Variants in CROCC2 observed in about 807,000 individuals in gnomAD.
CROCC2 encodes the protein ciliary rootlet coiled-coil, rootletin family member 2, also known as ciliary rootlet coiled-coil protein 2.
A neutral mutation model predicts 177.6 loss-of-function variants in CROCC2; 163 were observed. The observed-to-expected ratio is 0.92, with a 90% CI of 0.81 to 1.05. CROCC2 has a LOEUF of 1.05. Among genes scored for constraint, CROCC2 ranks in the 50% least tolerant of loss-of-function variants. The pLI is 0.00. For synonymous variants in CROCC2, 904 were observed against 787.3 expected, an observed-to-expected ratio of 1.15 and a Z score of -2.48; for missense variants, 1,929 against 1,797.8, an observed-to-expected ratio of 1.07 and a Z score of -1.32.
rs992255011 is a variant in CROCC2 at position 240,949,078 on chromosome 2, C to T, written c.2463C>T (p.Leu821=). ...QLEEEARSAG[L]ARQALQVEME... is the part of the protein sequence containing the mutation. ...AGGAGGAAGCCCGGAGCGCAGGACT[C>T]GCGCGGCAGGCCTTGCAAGGTGCTC... The change falls in exon 16 of 32, where the codon CTC becomes CTT. Residue 821 remains leucine (L), a synonymous_variant. Coordinates refer to ENST00000690015, the MANE Select transcript of CROCC2 (RefSeq NM_001351305.2). The surrounding 1 kb of genome is among the most constrained non-coding windows in gnomAD (Gnocchi z 4.5). 19 of 1,545,804 alleles carry T rather than the reference C, an allele frequency of 1.2e-5. No homozygotes were observed. The Admixed American group carries it at 2.4e-4, about 19-fold the overall frequency.
intron 3 of CROCC2, among the ~76,000 whole-genome samples, chr2:240,921,261 C>T (rs2059355596): frequency 6.6e-6 from 1 of 152,200 alleles, no homozygotes; most frequent in African/African-American, 2.4e-5. Context: ...CTGCTCCCCA[C>T]CCAGTTCTAT....
chr2:240,970,685 C>T (rs2059714210), intron 27 of CROCC2, among the ~76,000 whole-genome samples: 2 of 152,192 alleles, frequency 1.3e-5, no homozygotes, highest in South Asian at 4.1e-4. Context: ...ACAATCCCCT[C>T]TTCCAAACCT....
chr2:240,926,334 C>T (rs1203562072), intron 5 of CROCC2, among the ~76,000 whole-genome samples: 5 of 152,210 alleles, frequency 3.3e-5, no homozygotes, highest in African/African-American at 1.2e-4. Flanking sequence ...CTGAGGCATG[C>T]AGGGGGTCAG....
rs563979897 is a variant in CROCC2 at position 240,934,309 on chromosome 2, G to A, written c.1647-22G>A. On this transcript the variant is annotated intron_variant, in intron 11 of 31. Transcript: ENST00000690015. ...CACTGCTCACCCTGAGCGACCTCCC[G>A]CCCTCTGGTCTGGGGCCTCAGTCAA... 4.6e-5 allele frequency: 71 copies of A among 1,547,066 alleles called. No homozygotes were observed. The East Asian group carries it at 8.3e-4, about 18-fold the overall frequency.
At chr2:240,907,329 A>G (rs978878284) in intron 1 of CROCC2, among the ~76,000 whole-genome samples, 1 of 152,000 alleles carries the variant, frequency 6.6e-6, no homozygotes, top group African/African-American at 2.4e-5. Flanking sequence ...GAGCCCACCT[A>G]GGACCCAGCC....
chr2:240,992,446 C>T (rs2059885626), intron 31 of CROCC2, among the ~76,000 whole-genome samples: 1 of 152,256 alleles, frequency 6.6e-6, no homozygotes, highest in Non-Finnish European at 1.5e-5. Flanking sequence ...CCTGGCACAC[C>T]TGGTTTTCTG....
At chr2:240,963,919 C>T (rs1422059928) in intron 21 of CROCC2, 146 bp downstream of exon 21, 2 of 815,338 alleles carry the variant, frequency 2.5e-6, no homozygotes, top group South Asian at 1.7e-5. Context: ...CCAAGCAGGC[C>T]TCCCGCTGCC....
chr2:240,973,413 G>A lies in CROCC2; in HGVS notation c.4401+5151G>A, dbSNP rs570762933. On this transcript the variant is annotated intron_variant, in intron 27 of 31. Transcript: ENST00000690015. This position sits in a 1 kb window ranked among gnomAD's most constrained non-coding sequence, Gnocchi z 4.7. The stretch of plus-strand genomic sequence containing the variant: ...CACTCAGCATCACCCACAGCCTCAT[G>A]CCCGCTCAGAAAGGCCCCCCATGCC... Among the ~76,000 whole-genome samples the A allele has an allele frequency of 6.6e-6, 1 of 151,050 alleles. No individual in the cohort carries two copies. Among genetic ancestry groups the A allele is most frequent in the Admixed American group, 6.6e-5 (1 of 15,168 alleles).
intron 25 of CROCC2, among the ~76,000 whole-genome samples, chr2:240,967,139 A>G (rs2059689176): frequency 6.6e-6 from 1 of 151,940 alleles, no homozygotes; most frequent in East Asian, 1.9e-4. Context: ...CCACCTCCCC[A>G]GGCCTGCAGG....
chr2:240,948,846 A>G (rs2106469201), intron 15 of CROCC2, 133 bp from the exon 16 acceptor site: 2 of 838,594 alleles, frequency 2.4e-6, no homozygotes, highest in African/African-American at 1.7e-5. Context: ...GAGATGCACC[A>G]TAATTTCTAA....
At chr2:240,963,402 G>A (rs570067824) in intron 20 of CROCC2, 154 bp from the exon 21 acceptor site, 1 of 756,568 alleles carries the variant, frequency 1.3e-6, no homozygotes, top group Non-Finnish European at 2.1e-6. Context: ...CAGCACTAGG[G>A]ATTGGTGGCT....
At chr2:240,931,644 T>C (rs1194835744) in intron 7 of CROCC2, among the ~76,000 whole-genome samples, 1 of 152,100 alleles carries the variant, frequency 6.6e-6, no homozygotes, top group Non-Finnish European at 1.5e-5. Context: ...CAGCAGAAAG[T>C]AGGGAGGCGG....
In CROCC2 at chr2:240,949,095, A is replaced by G. The variant is rs1370367783; in HGVS notation, c.2480A>G (p.Gln827Arg). The change falls in exon 16 of 32, where the codon CAA becomes CGA. Residue 827 changes from glutamine to arginine, a missense_variant and splice_region_variant. Around this residue, in one of 3 missense-constraint regions of CROCC2, gnomAD observed 1,397 missense variants for 1,239.9 expected, o/e 1.13. Transcript: ENST00000690015. The surrounding 1 kb of genome is among the most constrained non-coding windows in gnomAD (Gnocchi z 4.5). ...GCAGGACTCGCGCGGCAGGCCTTGC[A>G]AGGTGCTCCAAGGGCGCTCCCTCAG... Reference protein sequence around the residue: ...RSAGLARQALQVEMEQLQSDW... With the variant: ...RSAGLARQALRVEMEQLQSDW... The G allele has an allele frequency of 2.0e-6, 3 of 1,535,958 alleles. No homozygotes were observed. The highest frequency in any genetic ancestry group is 2.6e-6 in the Non-Finnish European group (3 of 1,141,602).
intron 10 of CROCC2, 151 bp from the exon 11 acceptor site, chr2:240,933,519 C>A: frequency 9.0e-7 from 1 of 1,112,980 alleles, no homozygotes; most frequent in Non-Finnish European, 1.3e-6. Context: ...GTGGGACACA[C>A]CCGCCAGTGA....
In CROCC2 at chr2:240,973,277, T is replaced by C. The variant is rs962930680; in HGVS notation, c.4401+5015T>C. On this transcript the variant is annotated intron_variant, in intron 27 of 31. Transcript: ENST00000690015. The surrounding 1 kb of genome is among the most constrained non-coding windows in gnomAD (Gnocchi z 4.7). ...CCGTTTCCAAGGCTACCCTGGGAAT[T>C]CAATAGAACAGCCGTGCAGGACCAG... Among the ~76,000 whole-genome samples the C allele has an allele frequency of 2.6e-5, 4 of 152,160 alleles. No homozygotes were observed. Among genetic ancestry groups the C allele is most frequent in the Non-Finnish European group, 4.4e-5 (3 of 68,024 alleles).
chr2:240,988,611 T>C, intron 28 of CROCC2, 128 bp from the exon 29 acceptor site: 1 of 1,011,050 alleles, frequency 9.9e-7, no homozygotes, highest in East Asian at 3.2e-5. Context: ...GTGCCCTTCC[T>C]GACGCTGCCA....
chr2:240,943,619 C>T (rs2059506085), intron 14 of CROCC2, among the ~76,000 whole-genome samples: 1 of 151,842 alleles, frequency 6.6e-6, no homozygotes, highest in Non-Finnish European at 1.5e-5. Flanking sequence ...TCCTGAGTAG[C>T]TGGGATTACA....
intron 8 of CROCC2, 74 bp from the exon 9 acceptor site, chr2:240,932,628 T>G (rs1455980432): frequency 4.2e-6 from 3 of 715,542 alleles, no homozygotes; most frequent in African/African-American, 3.5e-5. Flanking sequence ...CCCTCAGGAC[T>G]GTCTGCGCGG....
At chr2:240,929,823 G>T in intron 5 of CROCC2, 2 of 484,894 alleles carry the variant, frequency 4.1e-6, no homozygotes, top group South Asian at 3.2e-5. Flanking sequence ...GGTGTTCCAA[G>T]CCTGAGCAGT....
Sources: allele counts gnomAD v4.1 joint callset (sites outside exome capture counted in the v4.1 genomes callset), GRCh38; gene constraint gnomAD v4.1.1; regional missense constraint gnomAD v4.1.1; non-coding constraint Gnocchi (gnomAD v3.1); transcripts MANE v1.5; gene names NCBI Gene and HGNC (gene_info 2026-07-23, HGNC 2026-07-21).